DCDC1: variants seen among roughly 807,000 people sequenced by gnomAD.
DCDC1 encodes doublecortin domain containing 1.
In DCDC1, 200 loss-of-function variants were observed where a neutral mutation model predicts 178.3. The observed-to-expected ratio is 1.12, with a 90% CI of 1.00 to 1.26. The LOEUF is 1.26. Among genes scored for constraint, DCDC1 ranks in the 50% most tolerant of loss-of-function variants. The pLI, the probability that DCDC1 is intolerant of heterozygous loss-of-function variation, is 0.00. For synonymous variants in DCDC1, 690 were observed against 604.8 expected, an observed-to-expected ratio of 1.14 and a Z score of -2.07; for missense variants, 1,983 against 1,749.2, an observed-to-expected ratio of 1.13 and a Z score of -2.38.
intron 9 of DCDC1, among the ~76,000 whole-genome samples, chr11:31,190,765 T>C (rs768575038): frequency 2.6e-5 from 4 of 152,118 alleles, no homozygotes; most frequent in African/African-American, 4.8e-5. Flanking sequence ...TGATTTTCAT[T>C]TTTAAATTAT....
chr11:31,250,421 C>CACACACACACACACAT lies in DCDC1; in HGVS notation c.1055-8806_1055-8805insATGTGTGTGTGTGTGT, dbSNP rs1555146241. 5.7e-5 allele frequency among the ~76,000 whole-genome samples: 3 copies of CACACACACACACACAT among 52,956 alleles called. 1 individual carries two copies. Among genetic ancestry groups the CACACACACACACACAT allele is most frequent in the South Asian group, 1.7e-3 (2 of 1,148 alleles). 34.7% of individuals were successfully genotyped at this position (52,956 alleles called of 152,430 possible). On this transcript the variant is annotated intron_variant, in intron 8 of 38. Coordinates refer to ENST00000684477, the MANE Select transcript of DCDC1 (RefSeq NM_001387274.1). ...ACACACACACACACACACACATATA[C>CACACACACACACACAT]ATATATATGTATATATATATATATC...
chr11:31,209,365 G>T (rs2136507982), intron 9 of DCDC1, among the ~76,000 whole-genome samples: 1 of 152,242 alleles, frequency 6.6e-6, no homozygotes, highest in African/African-American at 2.4e-5. Context: ...GTCTGAGAGG[G>T]GAAGTAAAAC....
chr11:31,108,870 C>A (rs537183618), intron 12 of DCDC1, among the ~76,000 whole-genome samples: 3 of 152,140 alleles, frequency 2.0e-5, no homozygotes, highest in East Asian at 1.9e-4. Flanking sequence ...CATCACCAGG[C>A]CTTTATAGCA....
chr11:31,018,161 C>G (rs1952615035), intron 20 of DCDC1, among the ~76,000 whole-genome samples: 1 of 151,976 alleles, frequency 6.6e-6, no homozygotes, highest in Non-Finnish European at 1.5e-5. Flanking sequence ...ATTTTTCAAG[C>G]TCACCACCAA....
chr11:30,984,154 T>C (rs775956597), intron 20 of DCDC1, among the ~76,000 whole-genome samples: 2 of 152,082 alleles, frequency 1.3e-5, no homozygotes, highest in African/African-American at 2.4e-5. Flanking sequence ...TATTCCATGG[T>C]TTTTAGAGTT....
intron 38 of DCDC1, among the ~76,000 whole-genome samples, chr11:30,866,237 T>C (rs1038208195): frequency 6.6e-6 from 1 of 152,170 alleles, no homozygotes; most frequent in Non-Finnish European, 1.5e-5. Context: ...GTTTCTATCA[T>C]GAAATAACAT....
At chr11:31,048,013 G>C (rs1954971999) in intron 20 of DCDC1, among the ~76,000 whole-genome samples, 1 of 152,044 alleles carries the variant, frequency 6.6e-6, no homozygotes. Flanking sequence ...CCAAGAACTG[G>C]GCTCAACTTT....
chr11:31,195,789 C>T (rs1217346917), intron 9 of DCDC1, among the ~76,000 whole-genome samples: 2 of 151,752 alleles, frequency 1.3e-5, no homozygotes, highest in African/African-American at 2.4e-5. Context: ...CCTTCGTGTA[C>T]CTCGTGCCTA....
chr11:30,887,849 T>C (rs868130190), intron 36 of DCDC1, among the ~76,000 whole-genome samples: 1 of 151,474 alleles, frequency 6.6e-6, no homozygotes, highest in South Asian at 2.1e-4. Flanking sequence ...ATGTCTACTA[T>C]AAAGACAAAA....
intron 20 of DCDC1, among the ~76,000 whole-genome samples, chr11:31,020,101 T>C (rs2135193455): frequency 6.6e-6 from 1 of 152,366 alleles, no homozygotes; most frequent in Non-Finnish European, 1.5e-5. Context: ...AGGTTGCTGT[T>C]GTCTGTTACT....
intron 13 of DCDC1, among the ~76,000 whole-genome samples, chr11:31,105,125 C>T (rs550614616): frequency 1.3e-5 from 2 of 152,014 alleles, no homozygotes. Flanking sequence ...TAGACATATA[C>T]ATTTTAAACA....
intron 3 of DCDC1, among the ~76,000 whole-genome samples, chr11:31,324,889 G>T (rs1444539345): frequency 6.6e-6 from 1 of 152,054 alleles, no homozygotes; most frequent in Non-Finnish European, 1.5e-5. Context: ...AAGTAACCTA[G>T]ATAATGTACA....
At chr11:31,269,844 C>A (rs1390829294) in intron 7 of DCDC1, among the ~76,000 whole-genome samples, 2 of 152,198 alleles carry the variant, frequency 1.3e-5, no homozygotes, top group Admixed American at 1.3e-4. Context: ...GGAGTCATCT[C>A]CACATCCAGA....
chr11:31,352,853 C>T (rs1221815764), intron 1 of DCDC1, among the ~76,000 whole-genome samples: 1 of 152,110 alleles, frequency 6.6e-6, no homozygotes, highest in Non-Finnish European at 1.5e-5. Context: ...ATCCTTATTG[C>T]CATCAGGCAT....
At chr11:30,897,664 CA>C (rs1202106775) in intron 34 of DCDC1, among the ~76,000 whole-genome samples, 1 of 150,944 alleles carries the variant, frequency 6.6e-6, no homozygotes, top group Non-Finnish European at 1.5e-5. Flanking sequence ...TTAATAAAGG[CA>C]GCCATACCAG....
intron 20 of DCDC1, among the ~76,000 whole-genome samples, chr11:31,028,243 C>A (rs1160689015): frequency 1.3e-5 from 2 of 151,670 alleles, no homozygotes; most frequent in African/African-American, 4.8e-5. Context: ...ATGCATAAAA[C>A]CATGAGATTG....
intron 36 of DCDC1, among the ~76,000 whole-genome samples, chr11:30,889,021 T>G (rs1458434305): frequency 6.6e-6 from 1 of 152,214 alleles, no homozygotes. Flanking sequence ...AGGACCTCTT[T>G]TTCATTCCTT....
At chr11:31,067,232 T>G (rs185624119) in intron 18 of DCDC1, among the ~76,000 whole-genome samples, 115 of 151,982 alleles carry the variant, frequency 7.6e-4, no homozygotes, top group African/African-American at 2.7e-3. Context: ...TATAAAGAAC[T>G]CTTATACTCA....
At chr11:30,881,092 T>C in intron 37 of DCDC1, 66 bp downstream of exon 37, 1 of 1,566,406 alleles carries the variant, frequency 6.4e-7, no homozygotes, top group Non-Finnish European at 8.7e-7. Context: ...ATATAAGCTC[T>C]TCCAAGAGAA....
Sources: gnomAD v4.1 joint callset for allele counts (sites outside exome capture counted in the v4.1 genomes callset) on GRCh38, gnomAD v4.1.1 for gene constraint, MANE v1.5 for transcripts, NCBI Gene and HGNC (gene_info 2026-07-23, HGNC 2026-07-21) for gene names.